Variants in PNLIP observed in about 807,000 individuals in gnomAD.
PNLIP encodes pancreatic lipase, also known as pancreatic triacylglycerol lipase.
PNLIP carries 49 observed loss-of-function variants against 57.1 expected under a neutral mutation model. The ratio of observed to expected loss-of-function variants is 0.86; its 90% CI spans 0.68 to 1.09. The LOEUF is 1.09. Ranked by LOEUF, PNLIP falls within the 50% of genes least tolerant of loss-of-function variation. PNLIP has a pLI of 0.00. For synonymous variants in PNLIP, 209 were observed against 200.4 expected (o/e 1.04, Z -0.36); for missense variants, 503 against 570.2 (o/e 0.88, Z 1.20).
intron 4 of PNLIP, among the ~76,000 whole-genome samples, chr10:116,548,724 C>A (rs1847157196): frequency 6.6e-6 from 1 of 152,156 alleles, no homozygotes; most frequent in Admixed American, 6.5e-5. Flanking sequence ...TATTTAATAA[C>A]TGATATGGAG....
Position 116,548,453 on chromosome 10 carries a change from G to C in PNLIP, c.295G>C (p.Glu99Gln). ...TATTCATGGATTCATAGACAAGGGAGAAGAAAACTGGCTGGCCAATGTGTG... is the reference window on the plus strand; with the variant it reads ...TATTCATGGATTCATAGACAAGGGACAAGAAAACTGGCTGGCCAATGTGTG... ...FIIHGFIDKG[E>Q]ENWLANVCKN... Residue 99 changes from glutamate (E) to glutamine (Q), a missense_variant, in exon 4 of 13, where the codon GAA (glutamate) becomes CAA (glutamine). By Grantham distance (29) the Glu-to-Gln change is conservative (BLOSUM62 2). Coordinates refer to ENST00000369221, the MANE Select transcript of PNLIP (RefSeq NM_000936.4). The C allele has an allele frequency of 6.2e-7, 1 of 1,614,046 alleles. No individual in the cohort carries two copies. Among genetic ancestry groups the C allele is most frequent in the Non-Finnish European group, 8.5e-7 (1 of 1,179,932 alleles).
chr10:116,563,013 T>C (rs974649470), intron 12 of PNLIP, among the ~76,000 whole-genome samples: 18 of 152,132 alleles, frequency 1.2e-4, no homozygotes, highest in African/African-American at 4.1e-4. Context: ...TTCCCAGGTA[T>C]ATAAAGAAGC....
intron 4 of PNLIP, among the ~76,000 whole-genome samples, chr10:116,550,594 A>G (rs930583232): frequency 6.6e-6 from 1 of 152,136 alleles, no homozygotes; most frequent in Non-Finnish European, 1.5e-5. Context: ...GGAAAAACTT[A>G]TTTACCTTCA....
At chr10:116,556,845 C>T (rs1467446208) in intron 9 of PNLIP, among the ~76,000 whole-genome samples, 1 of 152,026 alleles carries the variant, frequency 6.6e-6, no homozygotes, top group Non-Finnish European at 1.5e-5. Context: ...GCTGAAGTCA[C>T]AATTACCCAG....
chr10:116,566,520 G>C (rs1206629169), intron 12 of PNLIP, among the ~76,000 whole-genome samples: 1 of 152,148 alleles, frequency 6.6e-6, no homozygotes, highest in Admixed American at 6.6e-5. Context: ...TGTGTTGTGT[G>C]TGTGTGAAAA....
rs142103796 is a variant in PNLIP, at chr10:116,566,843, C to T, written c.1335-892C>T. Among the ~76,000 whole-genome samples, 6 of 152,074 alleles carry T rather than the reference C, an allele frequency of 3.9e-5. No individual in the cohort carries two copies. The East Asian group carries it at 1.2e-3, about 29-fold the overall frequency. On this transcript the variant is annotated intron_variant, in intron 12 of 12. Coordinates refer to ENST00000369221, the MANE Select transcript of PNLIP (RefSeq NM_000936.4). ...GGCTGCCAGTCATTGAGGAAGTGAG[C>T]GTGAAGGGAAAAAAACATTTTCTGA... is the stretch of plus-strand genomic sequence containing the variant.
At position 116,547,278 on chromosome 10, in the gene PNLIP, T is replaced by G. The variant is rs1847136195; in HGVS notation, c.47-16T>G. 2.2e-5 allele frequency: 35 copies of G among 1,613,190 alleles called. No homozygotes were observed. Among genetic ancestry groups the G allele is most frequent in the Non-Finnish European group, 2.9e-5 (34 of 1,179,186 alleles). Reference sequence around the variant, plus strand: ...GAGCATGTTTGTAAAACTAATATCCTTCTGGGGGATTGCAGGAAAAGAAGT... The same window carrying G: ...GAGCATGTTTGTAAAACTAATATCCGTCTGGGGGATTGCAGGAAAAGAAGT... On this transcript the variant is annotated splice_polypyrimidine_tract_variant and intron_variant, in intron 2 of 12. Coordinates refer to ENST00000369221, the MANE Select transcript of PNLIP (RefSeq NM_000936.4).
At chr10:116,547,558 C>T (rs144996679) in intron 3 of PNLIP, 110 bp downstream of exon 3, 3 of 847,916 alleles carry the variant, frequency 3.5e-6, no homozygotes, top group Non-Finnish European at 5.5e-6. Flanking sequence ...AACCCCATCT[C>T]TACTAAAAAT....
intron 12 of PNLIP, among the ~76,000 whole-genome samples, chr10:116,566,754 G>C (rs1347793426): frequency 6.6e-6 from 1 of 151,956 alleles, no homozygotes; most frequent in Non-Finnish European, 1.5e-5. Flanking sequence ...TATAAATATT[G>C]GTGCCTTTCT....
intron 12 of PNLIP, among the ~76,000 whole-genome samples, chr10:116,563,749 T>C (rs1310048187): frequency 1.3e-5 from 2 of 151,964 alleles, no homozygotes; most frequent in Admixed American, 6.6e-5. Context: ...TTTCTAGAGA[T>C]GAAAAATACA....
intron 9 of PNLIP, among the ~76,000 whole-genome samples, chr10:116,557,909 A>C (rs539986081): frequency 2.0e-5 from 3 of 152,234 alleles, no homozygotes; most frequent in East Asian, 3.9e-4. Context: ...CACATAGAGA[A>C]AATTCCGGGA....
At chr10:116,548,785 G>T (rs1403711355) in intron 4 of PNLIP, among the ~76,000 whole-genome samples, 3 of 152,204 alleles carry the variant, frequency 2.0e-5, no homozygotes, top group African/African-American at 7.2e-5. Context: ...CACACCAGCT[G>T]GTTATAGGCC....
chr10:116,564,925 A>T lies in PNLIP; in HGVS notation c.1335-2810A>T, dbSNP rs886912330. ...ATAATAGCAAGTAAACCAAACAAGG[A>T]GATAAAATGGAATAAAATATAATCC... On this transcript the variant is annotated intron_variant, in intron 12 of 12. Transcript: ENST00000369221. Among the ~76,000 whole-genome samples the T allele has an allele frequency of 3.9e-5, 6 of 152,206 alleles. No individual in the cohort carries two copies. The South Asian group carries it at 6.2e-4, about 16-fold the overall frequency.
At chr10:116,555,053 C>A in intron 6 of PNLIP, 125 bp from the exon 7 acceptor site, 1 of 1,050,962 alleles carries the variant, frequency 9.5e-7, no homozygotes, top group Non-Finnish European at 1.4e-6. Flanking sequence ...GAAGTAGATT[C>A]CTCTTCAGCA....
chr10:116,546,014 C>T (rs2133196048), intron 1 of PNLIP, 56 bp downstream of exon 1: 1 of 1,213,342 alleles, frequency 8.2e-7, no homozygotes, highest in East Asian at 2.3e-5. Flanking sequence ...CCATTTTCCC[C>T]CAGAGGTCTA....
intron 10 of PNLIP, 95 bp downstream of exon 10, chr10:116,559,378 G>T: frequency 2.2e-6 from 2 of 908,260 alleles, no homozygotes; most frequent in Non-Finnish European, 3.4e-6. Context: ...CTATACAAAA[G>T]CTTTAAACAC....
intron 10 of PNLIP, among the ~76,000 whole-genome samples, chr10:116,560,026 C>T (rs1173911796): frequency 6.6e-6 from 1 of 151,948 alleles, no homozygotes; most frequent in Non-Finnish European, 1.5e-5. Flanking sequence ...ATTTGGTGAT[C>T]TATGAAAATA....
At chr10:116,550,033 T>G (rs1434821160) in intron 4 of PNLIP, among the ~76,000 whole-genome samples, 2 of 151,828 alleles carry the variant, frequency 1.3e-5, no homozygotes, top group East Asian at 3.9e-4. Flanking sequence ...TTTCTAAGAT[T>G]GTTCCATTAT....
At chr10:116,545,981 A>G (rs1284798940) in intron 1 of PNLIP, 23 bp downstream of exon 1, 4 of 887,692 alleles carry the variant, frequency 4.5e-6, no homozygotes, top group Non-Finnish European at 7.5e-6. Context: ...CATGTTTTCC[A>G]GGCCTAATTG....
Sources: allele counts gnomAD v4.1 joint callset (sites outside exome capture counted in the v4.1 genomes callset), GRCh38; gene constraint gnomAD v4.1.1; transcripts MANE v1.5; gene names NCBI Gene and HGNC (gene_info 2026-07-23, HGNC 2026-07-21).